ASTN2: variants seen among roughly 807,000 people sequenced by gnomAD.
ASTN2 encodes the protein astrotactin-2.
Under a neutral mutation model 139.8 loss-of-function variants are expected in ASTN2, and 54 were observed. The observed-to-expected ratio is 0.39, with a 90% confidence interval of 0.31 to 0.48. ASTN2 has a LOEUF of 0.48. ASTN2 is among the 20% of genes least tolerant of loss of function. The pLI is 0.95. For missense variants in ASTN2, 1,565 were observed against 1,725.1 expected, an observed-to-expected ratio of 0.91 and a Z score of 1.64; for synonymous variants, 756 against 719.5, an observed-to-expected ratio of 1.05 and a Z score of -0.81.
chr9:117,107,480 T>C (rs1200656220), intron 4 of ASTN2, among the ~76,000 whole-genome samples: 4 of 152,224 alleles, frequency 2.6e-5, no homozygotes, highest in African/African-American at 9.6e-5. Flanking sequence ...CACTGGGTAT[T>C]ACATCATTGT....
chr9:116,518,158 C>A (rs993955296), intron 19 of ASTN2, among the ~76,000 whole-genome samples: 14 of 152,134 alleles, frequency 9.2e-5, no homozygotes, highest in Admixed American at 3.3e-4. Context: ...ACTCAAAGAG[C>A]ACCTGGGAAA....
intron 20 of ASTN2, among the ~76,000 whole-genome samples, chr9:116,455,082 C>A (rs563881816): frequency 2.0e-5 from 3 of 151,906 alleles, no homozygotes; most frequent in African/African-American, 7.2e-5. Flanking sequence ...GACACAGTGG[C>A]TCACGCCCAT....
At chr9:116,576,267 T>C (rs1417264465) in intron 19 of ASTN2, among the ~76,000 whole-genome samples, 1 of 152,154 alleles carries the variant, frequency 6.6e-6, no homozygotes, top group Non-Finnish European at 1.5e-5. Flanking sequence ...CGACCTGGTG[T>C]TTCACATATC....
At chr9:117,360,390 CAG>C (rs1197845902) in intron 1 of ASTN2, among the ~76,000 whole-genome samples, 1 of 152,038 alleles carries the variant, frequency 6.6e-6, no homozygotes, top group African/African-American at 2.4e-5. Flanking sequence ...AGCTGGTAGT[CAG>C]AGAGGGCCTC....
chr9:116,869,558 T>A (rs1444543159), intron 10 of ASTN2, among the ~76,000 whole-genome samples: 1 of 152,166 alleles, frequency 6.6e-6, no homozygotes, highest in African/African-American at 2.4e-5. Context: ...CTCCATATTA[T>A]CTGTGCCTTT....
intron 13 of ASTN2, among the ~76,000 whole-genome samples, chr9:116,798,434 C>T (rs1333544531): frequency 6.6e-6 from 1 of 152,154 alleles, no homozygotes; most frequent in Non-Finnish European, 1.5e-5. Flanking sequence ...CAGGAGAGTG[C>T]TGGGAGCCTT....
At chr9:116,778,505 G>C (rs188367272) in intron 13 of ASTN2, among the ~76,000 whole-genome samples, 3 of 152,040 alleles carry the variant, frequency 2.0e-5, no homozygotes, top group Non-Finnish European at 4.4e-5. Flanking sequence ...ATACTTGGGG[G>C]CTTCTCAAAA....
rs1416533285 is a variant in ASTN2, at chr9:117,414,851, G to A, written c.88C>T (p.Pro30Ser). The change falls in exon 1 of 23, where the codon CCA becomes TCA. Residue 30 changes from proline (P) to serine (S), a missense_variant. By Grantham distance (74) the Pro-to-Ser change is moderately conservative. Coordinates refer to ENST00000313400, the MANE Select transcript of ASTN2 (RefSeq NM_001365068.1). The surrounding 1 kb of genome is among the most constrained non-coding windows in gnomAD (Gnocchi z 4.2). Reference sequence around the variant, plus strand: ...AACAGCAGCAGCAGCGGCAGCAGTGGCGGCGGCCCCGGGTGGAAGCAGAGC... The same window carrying A: ...AACAGCAGCAGCAGCGGCAGCAGTGACGGCGGCCCCGGGTGGAAGCAGAGC... The part of the protein sequence containing the change: ...PRLCFHPGPP[P>S]LLPLLLLFLL... 2.7e-6 allele frequency: 3 copies of A among 1,126,846 alleles called. No individual in the cohort carries two copies. Among genetic ancestry groups the A allele is most frequent in the Non-Finnish European group, 3.3e-6 (3 of 910,460 alleles). 69.8% of individuals were successfully genotyped at this position (1,126,846 alleles called of 1,614,324 possible). A position where few individuals can be genotyped will look rare whatever the true frequency, so the allele number is the denominator to read the frequency against.
intron 10 of ASTN2, among the ~76,000 whole-genome samples, chr9:116,973,149 C>T (rs964366254): frequency 9.2e-5 from 14 of 152,156 alleles, no homozygotes; most frequent in African/African-American, 2.9e-4. Flanking sequence ...AATGTGGCTT[C>T]ATCTCTTACT....
intron 3 of ASTN2, among the ~76,000 whole-genome samples, chr9:117,198,271 C>T (rs191115102): frequency 3.9e-5 from 6 of 152,210 alleles, no homozygotes; most frequent in Admixed American, 3.9e-4. Flanking sequence ...TGAGTGAGAA[C>T]ATGTGGGGTT....
chr9:117,405,227 G>C (rs1203483690), intron 1 of ASTN2, among the ~76,000 whole-genome samples: 1 of 152,180 alleles, frequency 6.6e-6, no homozygotes, highest in African/African-American at 2.4e-5. Context: ...AAAGTTGAGA[G>C]CATCTCTTGT....
At chr9:117,297,869 T>C (rs1021649994) in intron 1 of ASTN2, among the ~76,000 whole-genome samples, 13 of 152,212 alleles carry the variant, frequency 8.5e-5, no homozygotes, top group African/African-American at 3.1e-4. Flanking sequence ...CACCAATTTT[T>C]TGCAGGTGTC....
chr9:116,765,612 A>G (rs1256450583), intron 13 of ASTN2, among the ~76,000 whole-genome samples: 1 of 152,170 alleles, frequency 6.6e-6, no homozygotes, highest in Admixed American at 6.5e-5. Context: ...AACAATCTAA[A>G]TATCTATCAA....
Position 116,825,274 on chromosome 9 carries a change from T to G in ASTN2, c.2041-4491A>C, listed in dbSNP as rs1039789674. Among the ~76,000 whole-genome samples the G allele has an allele frequency of 5.3e-5, 8 of 152,204 alleles. 1 individual carries two copies. Among genetic ancestry groups the G allele is most frequent in the Non-Finnish European group, 1.5e-5 (1 of 68,044 alleles). The stretch of plus-strand genomic sequence containing the variant: ...AGCCTCAGGTTCCTCATCTGTAGAA[T>G]GCAAATAATGTCTCTCTTGGAGGCA... On this transcript the variant is annotated intron_variant, in intron 11 of 22. Coordinates refer to ENST00000313400, the MANE Select transcript of ASTN2 (RefSeq NM_001365068.1).
intron 2 of ASTN2, 87 bp downstream of exon 2, chr9:117,291,239 T>C (rs1437897883): frequency 6.0e-6 from 9 of 1,502,644 alleles, no homozygotes; most frequent in Non-Finnish European, 9.0e-7. Context: ...TCCTTCCATC[T>C]GTGGACAATC....
At chr9:116,882,408 A>G (rs535213729) in intron 10 of ASTN2, among the ~76,000 whole-genome samples, 1 of 152,310 alleles carries the variant, frequency 6.6e-6, no homozygotes, top group South Asian at 2.1e-4. Flanking sequence ...ACATAAATAA[A>G]TATGTTATTG....
intron 10 of ASTN2, among the ~76,000 whole-genome samples, chr9:116,957,867 G>C (rs1049998982): frequency 6.6e-6 from 1 of 152,156 alleles, no homozygotes; most frequent in Non-Finnish European, 1.5e-5. Context: ...TTTTCACTGA[G>C]ACGGGGTTTC....
intron 1 of ASTN2, among the ~76,000 whole-genome samples, chr9:117,343,942 G>A (rs571149293): frequency 5.3e-5 from 8 of 152,290 alleles, no homozygotes; most frequent in African/African-American, 1.9e-4. Flanking sequence ...GTAGAAAGTA[G>A]AGGGAGAGAA....
intron 16 of ASTN2, among the ~76,000 whole-genome samples, chr9:116,706,206 C>T (rs922648236): frequency 2.0e-5 from 3 of 152,086 alleles, no homozygotes; most frequent in Admixed American, 1.3e-4. Flanking sequence ...CATTTTCTGT[C>T]CTTTAAAAAT....
Sources: allele counts gnomAD v4.1 joint callset (sites outside exome capture counted in the v4.1 genomes callset), GRCh38; gene constraint gnomAD v4.1.1; non-coding constraint Gnocchi (gnomAD v3.1); transcripts MANE v1.5; gene names NCBI Gene and HGNC (gene_info 2026-07-23, HGNC 2026-07-21).